Variants in R3HDM1 observed in about 807,000 individuals in gnomAD.
R3HDM1 encodes the protein R3H domain-containing protein 1.
Under a neutral mutation model 141.1 loss-of-function variants are expected in R3HDM1, and 46 were observed. That is an observed-to-expected ratio of 0.33 (90% CI 0.26 to 0.42). The LOEUF is 0.42. R3HDM1 is among the 10% of genes least tolerant of loss of function. R3HDM1 has a pLI of 1.00. For synonymous variants in R3HDM1, 435 were observed against 472.9 expected (o/e 0.92, Z 1.04); for missense variants, 1,184 against 1,368.3 (o/e 0.87, Z 2.12).
At chr2:135,663,777 A>G (rs953876598) in intron 19 of R3HDM1, among the ~76,000 whole-genome samples, 2 of 152,154 alleles carry the variant, frequency 1.3e-5, no homozygotes, top group African/African-American at 4.8e-5. Flanking sequence ...CTGTAATCCC[A>G]CCACTCTGGG....
chr2:135,711,618 C>A (rs763487042), intron 23 of R3HDM1, among the ~76,000 whole-genome samples: 8 of 148,258 alleles, frequency 5.4e-5, no homozygotes, highest in Non-Finnish European at 1.2e-4. Context: ...TATGATCATG[C>A]CACTGCGCTG....
At chr2:135,596,386 C>T (rs1415792037) in intron 1 of R3HDM1, among the ~76,000 whole-genome samples, 1 of 152,024 alleles carries the variant, frequency 6.6e-6, no homozygotes, top group Non-Finnish European at 1.5e-5. Flanking sequence ...TGAAAAATGT[C>T]ATAAACAAAA....
chr2:135,567,920 T>C (rs1573895549), intron 1 of R3HDM1, among the ~76,000 whole-genome samples: 2 of 149,820 alleles, frequency 1.3e-5, no homozygotes, highest in Admixed American at 1.3e-4. Context: ...TTTTTTTTTT[T>C]TTTTTTTGCA....
In R3HDM1 at chr2:135,553,767, C is replaced by A. The variant is rs949034835; in HGVS notation, c.-250+22134C>A. Among the ~76,000 whole-genome samples the A allele has an allele frequency of 5.8e-4, 89 of 152,244 alleles. 2 individuals carry two copies. The highest frequency in any genetic ancestry group is 1.9e-4 in the Non-Finnish European group (13 of 68,044). ...AGTGCAGTGGAGCCATCTCAGCTCA[C>A]TGCAACCTCTGCCTCCCGGGTCAAG... On this transcript the variant is annotated intron_variant, in intron 1 of 26. Transcript: ENST00000683871.
At chr2:135,677,023 T>G (rs2069301002) in intron 20 of R3HDM1, among the ~76,000 whole-genome samples, 1 of 152,178 alleles carries the variant, frequency 6.6e-6, no homozygotes, top group African/African-American at 2.4e-5. Flanking sequence ...AGGACTTGAT[T>G]TGAAGCCTTC....
chr2:135,682,633 G>T (rs1426236755), intron 21 of R3HDM1, among the ~76,000 whole-genome samples: 1 of 152,150 alleles, frequency 6.6e-6, no homozygotes, highest in South Asian at 2.1e-4. Flanking sequence ...TTGGCCTGAG[G>T]GATAGCCTGC....
chr2:135,617,326 CA>C (rs1217130497), intron 5 of R3HDM1, among the ~76,000 whole-genome samples: 1 of 139,918 alleles, frequency 7.1e-6, no homozygotes, highest in Admixed American at 6.7e-5. Flanking sequence ...GACTCCATCT[CA>C]AAAAAAAATA....
intron 9 of R3HDM1, among the ~76,000 whole-genome samples, chr2:135,633,419 T>C (rs1427426435): frequency 6.6e-6 from 1 of 152,186 alleles, no homozygotes; most frequent in East Asian, 1.9e-4. Context: ...TTCAATACAG[T>C]GTAACCTCAG....
intron 1 of R3HDM1, among the ~76,000 whole-genome samples, chr2:135,532,150 C>G (rs546977055): frequency 6.6e-6 from 1 of 152,370 alleles, no homozygotes; most frequent in South Asian, 2.1e-4. Context: ...CGGCCGCATC[C>G]CCTGGCCTTG....
chr2:135,549,605 A>G (rs542691073), intron 1 of R3HDM1, among the ~76,000 whole-genome samples: 30 of 150,666 alleles, frequency 2.0e-4, no homozygotes, highest in African/African-American at 6.9e-4. Context: ...GGGTCTTGCT[A>G]TATTGCTGAG....
intron 1 of R3HDM1, chr2:135,536,728 G>A: frequency 1.0e-6 from 1 of 982,060 alleles, no homozygotes; most frequent in Non-Finnish European, 1.2e-6. Context: ...TTGCTAACCT[G>A]TCCTATAAGG....
Position 135,675,420 on chromosome 2 carries a change from A to G in R3HDM1, c.2241A>G (p.Gln747=), listed in dbSNP as rs1362491011. Residue 747 remains glutamine (Q), a synonymous_variant, in exon 20 of 27, where the codon CAA becomes CAG. Coordinates refer to ENST00000683871, the MANE Select transcript of R3HDM1 (RefSeq NM_001378107.1). ...QPQSQSLVSG[Q]PNSIGNQIQG... ...AGAGTCAGAGCCTAGTCAGTGGCCAACCCAACAGCATTGGAAATCAGATTC... is the reference window on the plus strand; with the variant it reads ...AGAGTCAGAGCCTAGTCAGTGGCCAGCCCAACAGCATTGGAAATCAGATTC... The G allele has an allele frequency of 1.2e-6, 2 of 1,614,006 alleles. No homozygotes were observed. The highest frequency in any genetic ancestry group is 1.7e-6 in the Non-Finnish European group (2 of 1,179,906).
At chr2:135,583,360 A>AT (rs550499928) in intron 1 of R3HDM1, among the ~76,000 whole-genome samples, 44 of 151,764 alleles carry the variant, frequency 2.9e-4, no homozygotes, top group African/African-American at 6.5e-4. Context: ...AGCATAGGTG[A>AT]TTTTTTTTCC....
intron 1 of R3HDM1, among the ~76,000 whole-genome samples, chr2:135,581,682 G>A (rs1300171299): frequency 6.6e-6 from 1 of 152,104 alleles, no homozygotes; most frequent in African/African-American, 2.4e-5. Context: ...ACTTCTAGTG[G>A]CATCAACATT....
Position 135,709,633 on chromosome 2 carries a change from G to C in R3HDM1, c.2563+97G>C, listed in dbSNP as rs1575180065. On this transcript the variant is annotated intron_variant, in intron 22 of 26. Transcript: ENST00000683871. ...TTCTACAAAAAGCTTCTCAATTTGT[G>C]ATGTGCTGAAATACACCCACAATAT... The C allele has an allele frequency of 4.2e-6, 6 of 1,428,818 alleles. No homozygotes were observed. In the East Asian group the frequency reaches 1.5e-4, roughly 35 times the overall value. The allele number at this position is 1,428,818 out of a possible 1,614,324, so 88.5% of individuals were successfully genotyped here.
chr2:135,571,754 G>A (rs1013818916), intron 1 of R3HDM1, among the ~76,000 whole-genome samples: 4 of 151,916 alleles, frequency 2.6e-5, no homozygotes, highest in African/African-American at 7.3e-5. Context: ...AACCCCCAAC[G>A]GAGCTGGGAC....
intron 1 of R3HDM1, among the ~76,000 whole-genome samples, chr2:135,569,034 C>G (rs1031142347): frequency 6.6e-6 from 1 of 151,088 alleles, no homozygotes; most frequent in African/African-American, 2.4e-5. Flanking sequence ...CAGTCACTTA[C>G]TAAGTCCTGC....
chr2:135,685,636 A>C (rs370653722), intron 21 of R3HDM1, among the ~76,000 whole-genome samples: 1 of 152,134 alleles, frequency 6.6e-6, no homozygotes, highest in Non-Finnish European at 1.5e-5. Context: ...CTCTAAATAC[A>C]TGCTATATTC....
At position 135,636,416 on chromosome 2, in the gene R3HDM1, A is replaced by G. The variant is rs557782263; in HGVS notation, c.903+233A>G. Among the ~76,000 whole-genome samples the G allele has an allele frequency of 2.4e-4, 37 of 152,356 alleles. No individual in the cohort carries two copies. The South Asian group carries it at 5.4e-3, about 22-fold the overall frequency. ...CAAAAGTTGGAAGCAGGTAGACTACAGGAGTCATTAAAAGAATGTTCTCCA... is the reference window on the plus strand; with the variant it reads ...CAAAAGTTGGAAGCAGGTAGACTACGGGAGTCATTAAAAGAATGTTCTCCA... On this transcript the variant is annotated intron_variant, in intron 11 of 26. Transcript: ENST00000683871.
Sources: gnomAD v4.1 joint callset for allele counts (sites outside exome capture counted in the v4.1 genomes callset) on GRCh38, gnomAD v4.1.1 for gene constraint, MANE v1.5 for transcripts, NCBI Gene and HGNC (gene_info 2026-07-23, HGNC 2026-07-21) for gene names.